LMNTD1: variants seen among roughly 807,000 people sequenced by gnomAD.
LMNTD1 encodes the protein lamin tail domain-containing protein 1.
LMNTD1 carries 35 observed loss-of-function variants against 50.9 expected under a neutral mutation model. The ratio of observed to expected loss-of-function variants is 0.69; its 90% CI spans 0.53 to 0.91. The LOEUF is 0.91. LMNTD1 is among the 40% of genes least tolerant of loss of function. The probability of loss-of-function intolerance (pLI) is 0.00; values close to 1 mark genes in which losing one functional copy is unlikely to be tolerated. For synonymous variants in LMNTD1, 153 were observed against 161.9 expected (o/e 0.94, Z 0.42); for missense variants, 470 against 475.5 (o/e 0.99, Z 0.11).
At position 25,549,325 on chromosome 12, in the gene LMNTD1, C is replaced by T. The variant is rs1943618085; in HGVS notation, c.310+1G>A. The T allele has an allele frequency of 6.3e-7, 1 of 1,589,192 alleles. No individual in the cohort carries two copies. The highest frequency in any genetic ancestry group is 8.6e-7 in the Non-Finnish European group (1 of 1,163,566). ...AAATATGGGTTCCATATTTTGCTTA[C>T]CCAAGCTGTTTTCCACTCTGGAACA... is the stretch of plus-strand genomic sequence containing the variant. On this transcript the variant is annotated splice_donor_variant, in intron 3 of 9. Coordinates refer to ENST00000458174, the MANE Select transcript of LMNTD1 (RefSeq NM_001145728.2). LOFTEE classifies it high-confidence loss of function.
rs1409017272 is a variant in LMNTD1, at chr12:25,549,350, A to G, written c.286T>C (p.Cys96Arg). Residue 96 changes from cysteine to arginine, a missense_variant, in exon 3 of 10, where the codon TGT becomes CGT. By Grantham distance (180) the Cys-to-Arg change is radical (BLOSUM62 -3). Transcript: ENST00000458174. ...CCCAAGCTGTTTTCCACTCTGGAAC[A>G]GCTACCTACAGTAGCTTTAGAAGTC... ...QLTSKATVGS[C>R]SRVENSLDAS... is the part of the protein sequence containing the mutation. 1 of 1,610,140 alleles carries G rather than the reference A, an allele frequency of 6.2e-7. No individual in the cohort carries two copies. The highest frequency in any genetic ancestry group is 8.5e-7 in the Non-Finnish European group (1 of 1,177,810).
At chr12:25,507,291 C>A (rs929760719) in intron 8 of LMNTD1, among the ~76,000 whole-genome samples, 1 of 152,176 alleles carries the variant, frequency 6.6e-6, no homozygotes, top group Non-Finnish European at 1.5e-5. Flanking sequence ...AAGAAAAGCA[C>A]AATGACTCAA....
At chr12:25,490,552 C>T (rs11048072) in intron 9 of LMNTD1, among the ~76,000 whole-genome samples, 39,686 of 151,906 alleles carry the variant, frequency 0.26, 5,357 homozygotes, top group Middle Eastern at 0.34. Flanking sequence ...TACAGAGGTG[C>T]GGAAGGGAAC....
intron 1 of LMNTD1, among the ~76,000 whole-genome samples, chr12:25,565,890 T>C (rs1474509124): frequency 1.3e-5 from 2 of 152,206 alleles, no homozygotes; most frequent in African/African-American, 4.8e-5. Context: ...TTGTTGTTTT[T>C]CTCTTCAGCA....
chr12:25,526,619 G>C (rs963792552), intron 5 of LMNTD1, 150 bp downstream of exon 5: 6 of 476,640 alleles, frequency 1.3e-5, no homozygotes, highest in African/African-American at 2.0e-5. Flanking sequence ...GATGGACAAA[G>C]TGCGGTAATT....
chr12:25,647,555 T>G (rs1947101504), intron 1 of LMNTD1, among the ~76,000 whole-genome samples: 1 of 152,158 alleles, frequency 6.6e-6, no homozygotes, highest in African/African-American at 2.4e-5. Flanking sequence ...AAATCATTTT[T>G]GGAAGTAGTT....
intron 8 of LMNTD1, among the ~76,000 whole-genome samples, chr12:25,517,740 T>C (rs62725660): frequency 6.8e-5 from 2 of 29,436 alleles, no homozygotes; most frequent in Non-Finnish European, 2.5e-4. Context: ...ATAATAATAA[T>C]AATAATAAAA....
chr12:25,578,563 T>C (rs1945134889), intron 1 of LMNTD1, among the ~76,000 whole-genome samples: 1 of 152,242 alleles, frequency 6.6e-6, no homozygotes, highest in Non-Finnish European at 1.5e-5. Context: ...ATCTGTTTAA[T>C]ACTATACTGC....
At chr12:25,614,609 C>A (rs1219140330) in intron 1 of LMNTD1, among the ~76,000 whole-genome samples, 1 of 152,166 alleles carries the variant, frequency 6.6e-6, no homozygotes, top group East Asian at 1.9e-4. Context: ...AACAGTATTT[C>A]TCTTCTGTTA....
At chr12:25,486,427 A>C (rs1218425775) in intron 9 of LMNTD1, among the ~76,000 whole-genome samples, 1 of 150,522 alleles carries the variant, frequency 6.6e-6, no homozygotes, top group Non-Finnish European at 1.5e-5. Context: ...GGTTTTCTAG[A>C]TATACAATCA....
exon 1 of LMNTD1, chr12:25,648,522 G>T (rs1467837908): frequency 7.1e-6 from 11 of 1,551,652 alleles, no homozygotes; most frequent in East Asian, 2.4e-5. Context: ...TGGAAACACC[G>T]ATGTCTCCTG....
intron 9 of LMNTD1, among the ~76,000 whole-genome samples, chr12:25,491,163 T>C (rs1938871510): frequency 6.6e-6 from 1 of 152,242 alleles, no homozygotes; most frequent in Admixed American, 6.5e-5. Flanking sequence ...GATCATTTTT[T>C]CCCCTTTTTT....
chr12:25,518,255 T>A (rs1040191684), intron 8 of LMNTD1, among the ~76,000 whole-genome samples: 3 of 152,094 alleles, frequency 2.0e-5, no homozygotes, highest in Non-Finnish European at 4.4e-5. Flanking sequence ...CCAGAAAAAA[T>A]CATATAGACA....
At chr12:25,587,236 G>A (rs1945558122) in intron 1 of LMNTD1, among the ~76,000 whole-genome samples, 1 of 152,074 alleles carries the variant, frequency 6.6e-6, no homozygotes, top group Admixed American at 6.5e-5. Flanking sequence ...CTTCTTTCCT[G>A]GATTATTTTC....
intron 1 of LMNTD1, among the ~76,000 whole-genome samples, chr12:25,561,236 G>C (rs966429839): frequency 2.6e-5 from 4 of 152,118 alleles, no homozygotes; most frequent in Admixed American, 2.0e-4. Flanking sequence ...TGTGATGTTA[G>C]GGTGTCAATT....
intron 8 of LMNTD1, among the ~76,000 whole-genome samples, chr12:25,515,480 A>T (rs996334296): frequency 5.9e-5 from 9 of 152,222 alleles, no homozygotes; most frequent in Middle Eastern, 6.8e-3. Context: ...CATGTAAACA[A>T]AGTATAAAAT....
chr12:25,528,435 G>T (rs1342619618), intron 4 of LMNTD1, among the ~76,000 whole-genome samples: 3 of 152,144 alleles, frequency 2.0e-5, no homozygotes, highest in African/African-American at 7.2e-5. Flanking sequence ...CATGGTGGTT[G>T]AACTCTGCTA....
rs1484730037 is a variant in LMNTD1, at chr12:25,552,874, TTTTG to T, written c.82_85del (p.Gln28AsnfsTer12). On this transcript the variant is annotated frameshift_variant, in exon 2 of 10. Coordinates refer to ENST00000458174, the MANE Select transcript of LMNTD1 (RefSeq NM_001145728.2). LOFTEE classifies it high-confidence loss of function. ...CATCGCATCTATGCATGCTCACTGT[TTTTG>T]TTTCTCATTCTTATCTTCCTGCTCA... The T allele has an allele frequency of 6.5e-7, 1 of 1,537,554 alleles. No individual in the cohort carries two copies. The highest frequency in any genetic ancestry group is 8.8e-7 in the Non-Finnish European group (1 of 1,134,190).
upstream of LMNTD1, among the ~76,000 whole-genome samples, chr12:25,555,065 TA>T (rs766278656): frequency 0.024 from 3,211 of 133,056 alleles, 59 homozygotes; most frequent in African/African-American, 0.062. Flanking sequence ...TCTCCGTCAT[TA>T]AAAAAAAAAA....
Sources: gnomAD v4.1 joint callset for allele counts (sites outside exome capture counted in the v4.1 genomes callset) on GRCh38, gnomAD v4.1.1 for gene constraint, MANE v1.5 for transcripts, NCBI Gene and HGNC (gene_info 2026-07-23, HGNC 2026-07-21) for gene names.